The following GRIA2 variants were observed in gnomAD, a reference collection of about 807,000 sequenced individuals.
The protein encoded by GRIA2 is glutamate ionotropic receptor AMPA type subunit 2.
In GRIA2, 14 loss-of-function variants were observed where a neutral mutation model predicts 97.3. The observed-to-expected ratio is 0.14, with a 90% CI of 0.10 to 0.23. The LOEUF (loss-of-function observed/expected upper bound fraction) is 0.23, where lower values mean the gene tolerates loss of function less well. Ranked by LOEUF, GRIA2 falls within the 10% of genes least tolerant of loss-of-function variation. The pLI is 1.00. For synonymous variants in GRIA2, 412 were observed against 387.8 expected, an observed-to-expected ratio of 1.06 and a Z score of -0.73; for missense variants, 558 against 1,069.8, an observed-to-expected ratio of 0.52 and a Z score of 6.67.
chr4:157,326,362 T>C (rs1734802641), intron 6 of GRIA2, among the ~76,000 whole-genome samples: 1 of 152,174 alleles, frequency 6.6e-6, no homozygotes, highest in Non-Finnish European at 1.5e-5. Flanking sequence ...TCTTATCATT[T>C]ATGTATTCAT....
intron 12 of GRIA2, among the ~76,000 whole-genome samples, chr4:157,354,543 A>C (rs1428614006): frequency 6.6e-6 from 1 of 152,214 alleles, no homozygotes; most frequent in Non-Finnish European, 1.5e-5. Context: ...AAGAAACTTG[A>C]CTTCTTAAGA....
Position 157,340,337 on chromosome 4 carries a change from A to G in GRIA2, c.1845-927A>G, listed in dbSNP as rs147039724. 1.8e-3 allele frequency among the ~76,000 whole-genome samples: 269 copies of G among 152,074 alleles called. 1 individual carries two copies. Among genetic ancestry groups the G allele is most frequent in the Middle Eastern group, 0.014 (4 of 294 alleles). ...GTCAATATCACTTAAATACTTAGTT[A>G]CGTGCAGAATCCCATCAAATCTTTC... On this transcript the variant is annotated intron_variant, in intron 11 of 15. Coordinates refer to ENST00000264426, the MANE Select transcript of GRIA2 (RefSeq NM_001083619.3).
chr4:157,237,982 T>C (rs1236340164), intron 2 of GRIA2, among the ~76,000 whole-genome samples: 2 of 152,228 alleles, frequency 1.3e-5, no homozygotes, highest in East Asian at 3.9e-4. Context: ...AGTGTAACAA[T>C]CCATATGTGT....
Position 157,332,894 on chromosome 4 carries a change from G to A in GRIA2, c.958G>A (p.Glu320Lys). The change falls in exon 7 of 16, where the codon GAA (glutamate) becomes AAA (lysine). Residue 320 changes from glutamate (E) to lysine (K), a missense_variant. Coordinates refer to ENST00000264426, the MANE Select transcript of GRIA2 (RefSeq NM_001083619.3). Reference protein sequence around the residue: ...AFRNLRKQRIEISRRGNAGDC... With the variant: ...AFRNLRKQRIKISRRGNAGDC... ...CCGCAACCTAAGGAAGCAAAGAATT[G>A]AAATCTCCCGAAGGGGGAATGCAGG... 1 of 1,612,530 alleles carries A rather than the reference G, an allele frequency of 6.2e-7. No homozygotes were observed. The highest frequency in any genetic ancestry group is 2.2e-5 in the East Asian group (1 of 44,822).
At chr4:157,264,194 A>G (rs1731668319) in intron 2 of GRIA2, among the ~76,000 whole-genome samples, 1 of 152,100 alleles carries the variant, frequency 6.6e-6, no homozygotes, top group Admixed American at 6.6e-5. Context: ...ATTACTACAA[A>G]CCGTGATTTA....
intron 2 of GRIA2, among the ~76,000 whole-genome samples, chr4:157,244,457 G>T (rs991340169): frequency 1.3e-5 from 2 of 151,996 alleles, no homozygotes; most frequent in Non-Finnish European, 2.9e-5. Context: ...GAAAAGCAAA[G>T]ATTTCCATAC....
At chr4:157,279,388 A>G (rs545401287) in intron 2 of GRIA2, among the ~76,000 whole-genome samples, 2 of 152,320 alleles carry the variant, frequency 1.3e-5, no homozygotes, top group South Asian at 4.1e-4. Context: ...CATTCTGGAA[A>G]AGGAAAAACT....
chr4:157,347,647 A>G (rs955713594), intron 12 of GRIA2, among the ~76,000 whole-genome samples: 1 of 152,192 alleles, frequency 6.6e-6, no homozygotes, highest in African/African-American at 2.4e-5. Context: ...ATTGTATTTA[A>G]GTAAAAGAAT....
In GRIA2 at chr4:157,336,675, A is replaced by G. The variant is rs773335094; in HGVS notation, c.1772A>G (p.Glu591Gly). The change falls in exon 11 of 16, where the codon GAA becomes GGA. Residue 591 changes from glutamate (E) to glycine (G), a missense_variant. By Grantham distance (98) the Glu-to-Gly change is moderately conservative (BLOSUM62 -2). Around this residue, in one of 8 missense-constraint regions of GRIA2, gnomAD observed 125 missense variants for 310.2 expected, o/e 0.40. Coordinates refer to ENST00000264426, the MANE Select transcript of GRIA2 (RefSeq NM_001083619.3). ...ACACAAAGTAGTGAATCAACTAATG[A>G]ATTTGGGATTTTTAATAGTCTCTGG... ...RETQSSESTN[E>G]FGIFNSLWFS... is the part of the protein sequence containing the mutation. The G allele has an allele frequency of 6.2e-7, 1 of 1,613,092 alleles. No individual in the cohort carries two copies. Among genetic ancestry groups the G allele is most frequent in the Non-Finnish European group, 8.5e-7 (1 of 1,179,338 alleles).
intron 12 of GRIA2, among the ~76,000 whole-genome samples, chr4:157,351,973 T>C (rs79137663): frequency 2.7e-3 from 412 of 152,342 alleles, no homozygotes; most frequent in African/African-American, 9.4e-3. Context: ...AACGAACTTA[T>C]ATGACATGAC....
intron 12 of GRIA2, among the ~76,000 whole-genome samples, chr4:157,357,411 C>A (rs1027580711): frequency 6.6e-6 from 1 of 151,972 alleles, no homozygotes; most frequent in African/African-American, 2.4e-5. Context: ...AAAAAGGGAA[C>A]AGTAAACTAA....
chr4:157,253,939 CAT>C (rs1287586195), intron 2 of GRIA2, among the ~76,000 whole-genome samples: 1 of 151,268 alleles, frequency 6.6e-6, no homozygotes, highest in Non-Finnish European at 1.5e-5. Flanking sequence ...ATACAGGTAA[CAT>C]AAATCTTTTT....
intron 5 of GRIA2, among the ~76,000 whole-genome samples, chr4:157,320,328 CA>C (rs1734504171): frequency 6.6e-6 from 1 of 151,786 alleles, no homozygotes; most frequent in Admixed American, 6.6e-5. Flanking sequence ...GTGGGATACA[CA>C]AAAACTCAAT....
chr4:157,241,780 G>A (rs1730522895), intron 2 of GRIA2, among the ~76,000 whole-genome samples: 1 of 151,946 alleles, frequency 6.6e-6, no homozygotes, highest in Non-Finnish European at 1.5e-5. Context: ...AGAAAATACA[G>A]CTTTCATGGA....
chr4:157,298,750 A>G (rs937139302), intron 2 of GRIA2, among the ~76,000 whole-genome samples: 3 of 151,544 alleles, frequency 2.0e-5, no homozygotes, highest in Admixed American at 6.6e-5. Context: ...TCAGCTCACA[A>G]TACTCATCCT....
intron 2 of GRIA2, among the ~76,000 whole-genome samples, chr4:157,289,787 TAAAAG>T (rs1450786456): frequency 4.0e-5 from 6 of 151,822 alleles, no homozygotes; most frequent in African/African-American, 1.2e-4. Context: ...ATATTAAAAA[TAAAAG>T]AAAAGAATTT....
chr4:157,350,690 G>A (rs1416268219), intron 12 of GRIA2, among the ~76,000 whole-genome samples: 1 of 151,780 alleles, frequency 6.6e-6, no homozygotes, highest in Non-Finnish European at 1.5e-5. Context: ...GGCCTTTAAA[G>A]TATTTGAAAT....
chr4:157,224,773 G>A (rs866331867), intron 2 of GRIA2, among the ~76,000 whole-genome samples: 1 of 152,038 alleles, frequency 6.6e-6, no homozygotes, highest in Admixed American at 6.6e-5. Flanking sequence ...ATTCAGGGAA[G>A]TCTGTGATTC....
chr4:157,361,054 T>C lies in GRIA2; in HGVS notation c.2336T>C (p.Leu779Pro). The C allele has an allele frequency of 6.2e-7, 1 of 1,613,712 alleles. No homozygotes were observed. The highest frequency in any genetic ancestry group is 8.5e-7 in the Non-Finnish European group (1 of 1,179,626). The stretch of plus-strand genomic sequence containing the variant: ...GTACTAAAACTGAATGAACAAGGCC[T>C]GTTGGACAAATTGAAAAACAAATGG... ...LAVLKLNEQGLLDKLKNKWWY... is the reference protein window; with the variant it reads ...LAVLKLNEQGPLDKLKNKWWY... Residue 779 changes from leucine to proline, a missense_variant, in exon 14 of 16, where the codon CTG becomes CCG. Physicochemically the swap from Leu to Pro is moderately conservative, Grantham distance 98. Transcript: ENST00000264426. The surrounding 1 kb of genome is among the most constrained non-coding windows in gnomAD (Gnocchi z 5.2).
Sources: gnomAD v4.1 joint callset for allele counts (sites outside exome capture counted in the v4.1 genomes callset) on GRCh38, gnomAD v4.1.1 for gene constraint, gnomAD v4.1.1 regional missense constraint, Gnocchi (gnomAD v3.1) non-coding constraint, MANE v1.5 for transcripts, NCBI Gene and HGNC (gene_info 2026-07-23, HGNC 2026-07-21) for gene names.